The following ARL5B variants were observed in gnomAD, a reference collection of about 807,000 sequenced individuals.
ARL5B encodes ARF like GTPase 5B.
In ARL5B, 10 loss-of-function variants were observed where a neutral mutation model predicts 26.9. That is an observed-to-expected ratio of 0.37 (90% confidence interval 0.23 to 0.63). The LOEUF (loss-of-function observed/expected upper bound fraction) is 0.63, where lower values mean the gene tolerates loss of function less well. ARL5B is among the 30% of genes least tolerant of loss of function. The pLI, the probability that ARL5B is intolerant of heterozygous loss-of-function variation, is 0.62. For missense variants in ARL5B, 167 were observed against 213.9 expected (o/e 0.78, Z 1.37); for synonymous variants, 87 against 70.4 (o/e 1.24, Z -1.18).
At chr10:18,668,187 A>G (rs1245867240) in intron 2 of ARL5B, among the ~76,000 whole-genome samples, 2 of 152,206 alleles carry the variant, frequency 1.3e-5, no homozygotes, top group Non-Finnish European at 2.9e-5. Context: ...CTTGCTTTTC[A>G]GGATGGCATG....
intron 1 of ARL5B, among the ~76,000 whole-genome samples, chr10:18,663,270 G>T (rs1265055140): frequency 1.3e-5 from 2 of 152,110 alleles, no homozygotes; most frequent in African/African-American, 4.8e-5. Flanking sequence ...CCAAAGTGCT[G>T]GGATTACAGG....
At position 18,678,244 on chromosome 10, in the gene ARL5B, G is replaced by T. The variant is rs1383747905; in HGVS notation, c.*3028G>T. 6.6e-6 allele frequency: 1 copy of T among 151,578 alleles called. No individual in the cohort carries two copies. The highest frequency in any genetic ancestry group is 2.4e-5 in the African/African-American group (1 of 41,338). 9.4% of individuals were successfully genotyped at this position (151,578 alleles called of 1,614,324 possible). A position where few individuals can be genotyped will look rare whatever the true frequency, so the allele number is the denominator to read the frequency against. ...GTTTCTTGTGTTAGTATGCTTAAAGGTATCAATACTTTTATTCTATATTCA... is the reference window on the plus strand; with the variant it reads ...GTTTCTTGTGTTAGTATGCTTAAAGTTATCAATACTTTTATTCTATATTCA... On this transcript the variant is annotated 3_prime_UTR_variant, in exon 6 of 6. Transcript: ENST00000377275.
At chr10:18,664,838 T>G (rs994668068) in intron 1 of ARL5B, among the ~76,000 whole-genome samples, 1 of 152,196 alleles carries the variant, frequency 6.6e-6, no homozygotes, top group African/African-American at 2.4e-5. Context: ...TTCAGTATTA[T>G]GTGAAGCATC....
At position 18,680,837 on chromosome 10, in the gene ARL5B, A is replaced by T. The variant is rs375562606; in HGVS notation, c.*5621A>T. ...CAATTACAACCTTGGTGTTGCGTTT[A>T]TTCTAATCAGAGTGAATGATTATAA... On this transcript the variant is annotated 3_prime_UTR_variant, in exon 6 of 6. Coordinates refer to ENST00000377275, the MANE Select transcript of ARL5B (RefSeq NM_178815.5). 7.9e-5 allele frequency: 12 copies of T among 152,172 alleles called. No individual in the cohort carries two copies. Among genetic ancestry groups the T allele is most frequent in the African/African-American group, 2.2e-4 (9 of 41,450 alleles). The allele number at this position is 152,172 out of a possible 1,614,324, so 9.4% of individuals were successfully genotyped here.
At chr10:18,669,823 C>G (rs1378400112) in intron 3 of ARL5B, among the ~76,000 whole-genome samples, 1 of 151,862 alleles carries the variant, frequency 6.6e-6, no homozygotes, top group Non-Finnish European at 1.5e-5. Context: ...GAAACCCCGT[C>G]TCTACTAAAA....
intron 2 of ARL5B, among the ~76,000 whole-genome samples, chr10:18,667,008 A>AT (rs539614519): frequency 8.7e-4 from 121 of 138,380 alleles, no homozygotes; most frequent in African/African-American, 3.0e-3. Context: ...TAGCTTTGGA[A>AT]TTTTTTAACA....
chr10:18,672,682 T>C lies in ARL5B; in HGVS notation c.316T>C (p.Leu106=). Residue 106 remains leucine, a synonymous_variant, in exon 4 of 6, where the codon TTA becomes CTA. Transcript: ENST00000377275. ...RERLAITKEE[L]YRMLAHEDLR... is the part of the protein sequence containing the mutation. ...ACGACTAGCTATTACAAAAGAAGAA[T>C]TATACAGAATGTTGGCTCATGAGGT... 6.2e-7 allele frequency: 1 copy of C among 1,609,898 alleles called. No individual in the cohort carries two copies. Among genetic ancestry groups the C allele is most frequent in the Non-Finnish European group, 8.5e-7 (1 of 1,177,680 alleles).
intron 3 of ARL5B, among the ~76,000 whole-genome samples, chr10:18,671,733 A>G (rs1282446471): frequency 6.7e-6 from 1 of 149,560 alleles, no homozygotes; most frequent in Non-Finnish European, 1.5e-5. Context: ...TAGTTGCATG[A>G]TTCTCAGTAC....
At chr10:18,661,669 G>A (rs1466009431) in intron 1 of ARL5B, among the ~76,000 whole-genome samples, 1 of 152,186 alleles carries the variant, frequency 6.6e-6, no homozygotes, top group Non-Finnish European at 1.5e-5. Flanking sequence ...AAAATGCAGT[G>A]TGGTAAATTA....
rs765247799 is a variant in ARL5B, at chr10:18,666,658, C to G, written c.107+23C>G. ...ATTGTAAGTATGGGTGTTTATTAAACAGTTTTCACTAGTTATTGAAACTAA... is the reference window on the plus strand; with the variant it reads ...ATTGTAAGTATGGGTGTTTATTAAAGAGTTTTCACTAGTTATTGAAACTAA... On this transcript the variant is annotated intron_variant, in intron 2 of 5. Transcript: ENST00000377275. 6 of 1,570,014 alleles carry G rather than the reference C, an allele frequency of 3.8e-6. No individual in the cohort carries two copies. The African/African-American group carries it at 5.4e-5, about 14-fold the overall frequency.
At chr10:18,667,094 A>C (rs1385290545) in intron 2 of ARL5B, among the ~76,000 whole-genome samples, 1 of 152,230 alleles carries the variant, frequency 6.6e-6, no homozygotes, top group Non-Finnish European at 1.5e-5. Context: ...GAGAGTCTTG[A>C]GACTTTCAGA....
chr10:18,659,800 G>A, intron 1 of ARL5B, 117 bp downstream of exon 1: 8 of 1,523,582 alleles, frequency 5.3e-6, no homozygotes, highest in Non-Finnish European at 7.0e-6. Context: ...AAGGGACTTA[G>A]GCCAGGGGGC....
At chr10:18,663,978 G>T (rs977283472) in intron 1 of ARL5B, among the ~76,000 whole-genome samples, 2 of 151,738 alleles carry the variant, frequency 1.3e-5, no homozygotes, top group Non-Finnish European at 2.9e-5. Flanking sequence ...TGTTTGAGAC[G>T]GAGTGTTGCT....
chr10:18,671,655 C>T (rs1331264246), intron 3 of ARL5B, among the ~76,000 whole-genome samples: 2 of 149,746 alleles, frequency 1.3e-5, no homozygotes, highest in African/African-American at 2.5e-5. Flanking sequence ...TCCTCCTCCT[C>T]CCCCTCACCC....
intron 4 of ARL5B, among the ~76,000 whole-genome samples, chr10:18,673,254 A>T (rs7082880): frequency 6.6e-6 from 1 of 151,834 alleles, no homozygotes. Flanking sequence ...TAGAGACAGG[A>T]TTTCACCATC....
chr10:18,679,893 CTG>C lies in ARL5B; in HGVS notation c.*4679_*4680del. On this transcript the variant is annotated 3_prime_UTR_variant, in exon 6 of 6. Transcript: ENST00000377275. Reference sequence around the variant, plus strand: ...GGGTACTTAAAATTACTAAAAAATACTGTCTTTTTACCATACAGCTAGATGGC... The same window carrying C: ...GGGTACTTAAAATTACTAAAAAATACTCTTTTTACCATACAGCTAGATGGC... 1 of 151,862 alleles carries C rather than the reference CTG, an allele frequency of 6.6e-6. No individual in the cohort carries two copies. Among genetic ancestry groups the C allele is most frequent in the South Asian group, 2.1e-4 (1 of 4,828 alleles). The allele number at this position is 151,862 out of a possible 1,614,324, so 9.4% of individuals were successfully genotyped here. A position where few individuals can be genotyped will look rare whatever the true frequency, so the allele number is the denominator to read the frequency against.
chr10:18,668,536 G>T lies in ARL5B; in HGVS notation c.114G>T (p.Met38Ile). Residue 38 changes from methionine (M) to isoleucine (I), a missense_variant, in exon 3 of 6, where the codon ATG becomes ATT. Coordinates refer to ENST00000377275, the MANE Select transcript of ARL5B (RefSeq NM_178815.5). ...GGTGTCTGTTTTTCAACAGCTTAAT[G>T]AATGAAGTGGTTCATACTTCTCCAA... ...GKTTILYQFL[M>I]NEVVHTSPTI... is the part of the protein sequence containing the mutation. 1.2e-6 allele frequency: 2 copies of T among 1,613,850 alleles called. No individual in the cohort carries two copies. Among genetic ancestry groups the T allele is most frequent in the East Asian group, 2.2e-5 (1 of 44,866 alleles).
intron 3 of ARL5B, among the ~76,000 whole-genome samples, chr10:18,671,737 T>G (rs1030020549): frequency 6.6e-6 from 1 of 151,302 alleles, no homozygotes; most frequent in African/African-American, 2.4e-5. Context: ...TGCATGATTC[T>G]CAGTACAGCC....
At chr10:18,668,837 T>G (rs4748506) in intron 3 of ARL5B, among the ~76,000 whole-genome samples, 160 bp downstream of exon 3, 7,103 of 151,588 alleles carry the variant, frequency 0.047, 374 homozygotes, top group South Asian at 0.16. Context: ...TGGAGTGATC[T>G]TGGCTCGCTG....
Sources: allele counts gnomAD v4.1 joint callset (sites outside exome capture counted in the v4.1 genomes callset), GRCh38; gene constraint gnomAD v4.1.1; transcripts MANE v1.5; gene names NCBI Gene and HGNC (gene_info 2026-07-23, HGNC 2026-07-21).